TAF3: variants seen among roughly 807,000 people sequenced by gnomAD.
TAF3 encodes the protein transcription initiation factor TFIID subunit 3.
In TAF3, 7 loss-of-function variants were observed where a neutral mutation model predicts 80.6. That is an observed-to-expected ratio of 0.09 (90% confidence interval 0.05 to 0.16). The LOEUF (loss-of-function observed/expected upper bound fraction) is 0.16, where lower values mean the gene tolerates loss of function less well. Among genes scored for constraint, TAF3 ranks in the 10% least tolerant of loss-of-function variants. TAF3 has a pLI of 1.00. For synonymous variants in TAF3, 444 were observed against 446.1 expected (o/e 1.00, Z 0.06); for missense variants, 921 against 1,140.2 (o/e 0.81, Z 2.77).
At chr10:7,935,560 A>G (rs748203631) in intron 2 of TAF3, among the ~76,000 whole-genome samples, 12 of 152,136 alleles carry the variant, frequency 7.9e-5, no homozygotes, top group Non-Finnish European at 1.5e-4. Flanking sequence ...CTCCAGCCTG[A>G]GTGACAGAGA....
intron 2 of TAF3, among the ~76,000 whole-genome samples, chr10:7,864,717 A>G (rs1264771545): frequency 6.6e-6 from 1 of 151,422 alleles, no homozygotes; most frequent in Non-Finnish European, 1.5e-5. Flanking sequence ...TTTATCATCT[A>G]TTTGTTTTCC....
At chr10:7,952,711 C>T (rs1282165475) in intron 2 of TAF3, among the ~76,000 whole-genome samples, 1 of 152,118 alleles carries the variant, frequency 6.6e-6, no homozygotes, top group East Asian at 1.9e-4. Context: ...GCATCATATT[C>T]ACTCTACTAT....
At chr10:7,923,174 C>G (rs1224559310) in intron 2 of TAF3, among the ~76,000 whole-genome samples, 1 of 152,040 alleles carries the variant, frequency 6.6e-6, no homozygotes, top group Non-Finnish European at 1.5e-5. Context: ...TGGAGGCTAA[C>G]ATTCTATATC....
chr10:7,890,826 A>G (rs1324495875), intron 2 of TAF3, among the ~76,000 whole-genome samples: 1 of 152,130 alleles, frequency 6.6e-6, no homozygotes, highest in Non-Finnish European at 1.5e-5. Flanking sequence ...GTCTATATCA[A>G]CTCTTTCCAA....
chr10:7,990,083 T>C (rs1055906077), intron 4 of TAF3, among the ~76,000 whole-genome samples: 4 of 152,254 alleles, frequency 2.6e-5, no homozygotes, highest in African/African-American at 7.2e-5. Context: ...TTAGATTAAC[T>C]AGTAGAGCAC....
At chr10:7,900,830 A>T (rs1199715629) in intron 2 of TAF3, among the ~76,000 whole-genome samples, 1 of 152,188 alleles carries the variant, frequency 6.6e-6, no homozygotes, top group Non-Finnish European at 1.5e-5. Flanking sequence ...TTTTGATTAG[A>T]AGCACATGGA....
intron 3 of TAF3, among the ~76,000 whole-genome samples, chr10:7,970,681 G>T (rs1016611495): frequency 6.6e-6 from 1 of 152,168 alleles, no homozygotes; most frequent in Admixed American, 6.5e-5. Flanking sequence ...GAGCAGGAAA[G>T]GGATATCCTT....
chr10:7,910,661 G>C (rs528213752), intron 2 of TAF3, among the ~76,000 whole-genome samples: 1 of 152,292 alleles, frequency 6.6e-6, no homozygotes, highest in East Asian at 1.9e-4. Flanking sequence ...GATTACAGGT[G>C]TGAGCCACCG....
chr10:7,922,104 G>A (rs1837768339), intron 2 of TAF3, among the ~76,000 whole-genome samples: 1 of 152,046 alleles, frequency 6.6e-6, no homozygotes, highest in Non-Finnish European at 1.5e-5. Context: ...TCAACTCTCA[G>A]TATTCAAACT....
intron 2 of TAF3, among the ~76,000 whole-genome samples, chr10:7,876,659 G>C (rs1837315394): frequency 6.6e-6 from 1 of 152,148 alleles, no homozygotes; most frequent in Non-Finnish European, 1.5e-5. Flanking sequence ...TGTTTACTCA[G>C]CTTACTTGAA....
chr10:7,929,510 G>A (rs962325019), intron 2 of TAF3, among the ~76,000 whole-genome samples: 9 of 152,010 alleles, frequency 5.9e-5, no homozygotes, highest in Non-Finnish European at 1.0e-4. Flanking sequence ...TGATCTTCCT[G>A]TCTCAGCCTC....
rs377632877 is a variant in TAF3 at position 7,964,386 on chromosome 10, A to G, written c.876A>G (p.Pro292=). 1.4e-5 allele frequency: 22 copies of G among 1,614,054 alleles called. No homozygotes were observed. Among genetic ancestry groups the G allele is most frequent in the Non-Finnish European group, 1.9e-5 (22 of 1,180,046 alleles). The change falls in exon 3 of 7, where the codon CCA becomes CCG. Residue 292 remains proline, a synonymous_variant. Transcript: ENST00000344293. The surrounding 1 kb of genome is among the most constrained non-coding windows in gnomAD (Gnocchi z 4.1). ...KTKSPKTAQS[P]AMVGSPIRSP... ...AATCACCTAAAACCGCCCAGTCACC[A>G]GCAATGGTCGGAAGTCCTATTCGAT...
At chr10:7,997,238 G>A (rs1197632245) in intron 4 of TAF3, among the ~76,000 whole-genome samples, 2 of 152,140 alleles carry the variant, frequency 1.3e-5, no homozygotes, top group African/African-American at 4.8e-5. Flanking sequence ...ATTTAATAAT[G>A]GCCGTTCACT....
chr10:7,892,111 A>G (rs556702609), intron 2 of TAF3, among the ~76,000 whole-genome samples: 1 of 152,240 alleles, frequency 6.6e-6, no homozygotes, highest in East Asian at 1.9e-4. Flanking sequence ...TGTATTTACA[A>G]CTTTATGCAT....
chr10:7,969,069 C>G (rs1355053861), intron 3 of TAF3, among the ~76,000 whole-genome samples: 1 of 151,988 alleles, frequency 6.6e-6, no homozygotes, highest in Non-Finnish European at 1.5e-5. Flanking sequence ...TTTAGGAGGC[C>G]AAGGCAGGAG....
chr10:7,855,981 A>G (rs573086350), intron 2 of TAF3, among the ~76,000 whole-genome samples: 1 of 152,218 alleles, frequency 6.6e-6, no homozygotes, highest in South Asian at 2.1e-4. Context: ...CTAGTATTCT[A>G]AGAGAGGACA....
At chr10:7,962,773 T>G (rs1035402292) in intron 2 of TAF3, among the ~76,000 whole-genome samples, 5 of 152,248 alleles carry the variant, frequency 3.3e-5, no homozygotes, top group African/African-American at 1.2e-4. Flanking sequence ...TCTGTGGCAC[T>G]GATCACTTTC....
intron 2 of TAF3, among the ~76,000 whole-genome samples, chr10:7,862,321 T>A (rs1415344543): frequency 1.3e-5 from 2 of 152,184 alleles, no homozygotes; most frequent in Non-Finnish European, 2.9e-5. Context: ...ACATTGTGAG[T>A]GTAGTTTGTA....
chr10:7,997,861 G>C (rs1831904381), intron 4 of TAF3, among the ~76,000 whole-genome samples: 1 of 152,020 alleles, frequency 6.6e-6, no homozygotes, highest in Non-Finnish European at 1.5e-5. Context: ...ATAATGGTTG[G>C]CAATAAAGGC....
Sources: allele counts gnomAD v4.1 joint callset (sites outside exome capture counted in the v4.1 genomes callset), GRCh38; gene constraint gnomAD v4.1.1; non-coding constraint Gnocchi (gnomAD v3.1); transcripts MANE v1.5; gene names NCBI Gene and HGNC (gene_info 2026-07-23, HGNC 2026-07-21).